The following PPIH variants were observed in gnomAD, a reference collection of about 807,000 sequenced individuals.
PPIH encodes the protein peptidyl-prolyl cis-trans isomerase H.
In PPIH, 16 loss-of-function variants were observed where a neutral mutation model predicts 27.6. The ratio of observed to expected loss-of-function variants is 0.58; its 90% CI spans 0.39 to 0.88. PPIH has a LOEUF of 0.88. Among genes scored for constraint, PPIH ranks in the 40% least tolerant of loss-of-function variants. PPIH has a pLI of 0.00. For synonymous variants in PPIH, 63 were observed against 76.1 expected (o/e 0.83, Z 0.90); for missense variants, 155 against 224.1 (o/e 0.69, Z 1.97).
chr1:42,660,892 A>T lies in PPIH; in HGVS notation c.231A>T (p.Gly77=). The change falls in exon 5 of 10, where the codon GGA becomes GGT. Residue 77 remains glycine, a synonymous_variant. Coordinates refer to ENST00000304979, the MANE Select transcript of PPIH (RefSeq NM_006347.4). ...TAAAGGATTTCATGATTCAGGGTGG[A>T]GATTTTGTTAATGTAAGTACTATTC... The part of the protein sequence containing the change: ...RVIKDFMIQG[G]DFVNGDGTGV... 6.2e-7 allele frequency: 1 copy of T among 1,610,832 alleles called. No homozygotes were observed. Among genetic ancestry groups the T allele is most frequent in the Non-Finnish European group, 8.5e-7 (1 of 1,177,640 alleles).
At chr1:42,658,682 A>C in intron 1 of PPIH, 162 bp from the exon 2 acceptor site, 1 of 1,110,270 alleles carries the variant, frequency 9.0e-7, no homozygotes, top group Non-Finnish European at 1.3e-6. Context: ...AGTCTCCCCA[A>C]TCCTAGCGCC....
intron 9 of PPIH, 62 bp downstream of exon 9, chr1:42,667,502 G>A: frequency 2.2e-6 from 3 of 1,388,608 alleles, no homozygotes; most frequent in Non-Finnish European, 3.0e-6. Context: ...GCATGGTCTA[G>A]TGGAAAGAAC....
rs139723633 is a variant in PPIH, at chr1:42,658,886, C to T, written c.109C>T (p.Pro37Ser). ...GATCGAGCTCTTTGCAGACGTTGTG[C>T]CTAAGACGGCCGAGAACTTTAGGTA... Reference protein sequence around the residue: ...MKIELFADVVPKTAENFRQFC... With the variant: ...MKIELFADVVSKTAENFRQFC... The change falls in exon 2 of 10, where the codon CCT becomes TCT. Residue 37 changes from proline (P) to serine (S), a missense_variant. Pro to Ser is a moderately conservative substitution (Grantham distance 74). Around this residue, in one of 2 missense-constraint regions of PPIH, gnomAD observed 59 missense variants for 48.8 expected, o/e 1.21. Coordinates refer to ENST00000304979, the MANE Select transcript of PPIH (RefSeq NM_006347.4). 6.2e-7 allele frequency: 1 copy of T among 1,614,200 alleles called. No homozygotes were observed. Among genetic ancestry groups the T allele is most frequent in the Non-Finnish European group, 8.5e-7 (1 of 1,180,022 alleles).
intron 9 of PPIH, among the ~76,000 whole-genome samples, chr1:42,670,787 T>A (rs905550273): frequency 1.3e-5 from 2 of 152,124 alleles, no homozygotes; most frequent in African/African-American, 4.8e-5. Flanking sequence ...GTTAACTTTT[T>A]ATTTTTTATT....
At chr1:42,667,689 A>G (rs1649417535) in intron 9 of PPIH, among the ~76,000 whole-genome samples, 1 of 152,336 alleles carries the variant, frequency 6.6e-6, no homozygotes, top group Admixed American at 6.5e-5. Context: ...TTACTTTTCT[A>G]TCACTTTGTA....
chr1:42,667,361 C>G lies in PPIH; in HGVS notation c.476C>G (p.Thr159Arg). 6.2e-7 allele frequency: 1 copy of G among 1,606,144 alleles called. No individual in the cohort carries two copies. The highest frequency in any genetic ancestry group is 1.7e-4 in the Middle Eastern group (1 of 6,044). ...LVMRKIENVP[T>R]GPNNKPKLPV... ...TGCTTTTTTTCCTAGAATGTTCCCA[C>G]AGGCCCCAACAATAAGCCCAAGCTA... The change falls in exon 9 of 10, where the codon ACA becomes AGA. Residue 159 changes from threonine to arginine, a missense_variant. By Grantham distance (71) the Thr-to-Arg change is moderately conservative. Coordinates refer to ENST00000304979, the MANE Select transcript of PPIH (RefSeq NM_006347.4).
chr1:42,672,828 T>C (rs1557520507), intron 9 of PPIH, among the ~76,000 whole-genome samples: 1 of 152,032 alleles, frequency 6.6e-6, no homozygotes. Context: ...TTTGTATTTT[T>C]AGTAGAGACA....
At chr1:42,677,509 C>T (rs1003212205), downstream of PPIH, among the ~76,000 whole-genome samples, 1 of 151,932 alleles carries the variant, frequency 6.6e-6, no homozygotes, top group African/African-American at 2.4e-5. Flanking sequence ...AACAGTTCAA[C>T]ATATAAAGAT....
downstream of PPIH, among the ~76,000 whole-genome samples, chr1:42,678,018 T>C (rs925450586): frequency 6.6e-5 from 10 of 152,298 alleles, no homozygotes; most frequent in African/African-American, 2.2e-4. Flanking sequence ...AAGTGTTGTT[T>C]CAGTGTATCA....
chr1:42,658,648 G>A, intron 1 of PPIH, 136 bp downstream of exon 1: 1 of 1,171,888 alleles, frequency 8.5e-7, no homozygotes. Context: ...CCGACCTGCC[G>A]GGCGGGGGGA....
chr1:42,667,440 G>A lies in PPIH; in HGVS notation c.*21G>A, dbSNP rs1030400591. The A allele has an allele frequency of 1.3e-6, 2 of 1,563,572 alleles. No individual in the cohort carries two copies. The highest frequency in any genetic ancestry group is 1.8e-6 in the Non-Finnish European group (2 of 1,134,284). ...TGTAGTCCAGACAAAGACTGAATCA[G>A]GTAAGTGTGTCTTTCTCCTATTAGG... is the stretch of plus-strand genomic sequence containing the variant. On this transcript the variant is annotated splice_region_variant and 3_prime_UTR_variant, in exon 9 of 10. Coordinates refer to ENST00000304979, the MANE Select transcript of PPIH (RefSeq NM_006347.4).
chr1:42,659,079 C>T, intron 2 of PPIH, 149 bp from the exon 3 acceptor site: 1 of 1,376,098 alleles, frequency 7.3e-7, no homozygotes, highest in Non-Finnish European at 1.0e-6. Context: ...TGTTAATTTA[C>T]GTTGTTAGTC....
At chr1:42,660,293 C>G (rs984110041) in intron 4 of PPIH, among the ~76,000 whole-genome samples, 6 of 152,212 alleles carry the variant, frequency 3.9e-5, no homozygotes, top group Non-Finnish European at 8.8e-5. Flanking sequence ...GCCCCTTCTT[C>G]TTATTACTGT....
chr1:42,681,634 A>G (rs1465852987), downstream of PPIH: 1 of 152,236 alleles, frequency 6.6e-6, no homozygotes, highest in Non-Finnish European at 1.5e-5. Flanking sequence ...AGCTTGTTCA[A>G]TAAATGTGAG....
At chr1:42,666,475 T>C in intron 7 of PPIH, 72 bp from the exon 8 acceptor site, 2 of 1,469,526 alleles carry the variant, frequency 1.4e-6, no homozygotes, top group Non-Finnish European at 1.9e-6. Context: ...AGAAAATAGC[T>C]AAGAATGGGC....
intron 9 of PPIH, among the ~76,000 whole-genome samples, chr1:42,672,703 G>A (rs1649702983): frequency 6.6e-6 from 1 of 151,886 alleles, no homozygotes; most frequent in African/African-American, 2.4e-5. Context: ...CTGGAGTGCA[G>A]TGGCACGATC....
At chr1:42,666,651 G>A in intron 8 of PPIH, 64 bp downstream of exon 8, 2 of 1,516,680 alleles carry the variant, frequency 1.3e-6, no homozygotes, top group Admixed American at 3.4e-5. Flanking sequence ...TGACTAGCGT[G>A]CAGGAGCTAG....
At chr1:42,665,912 T>C in intron 6 of PPIH, 68 bp from the exon 7 acceptor site, 2 of 1,295,822 alleles carry the variant, frequency 1.5e-6, no homozygotes, top group Non-Finnish European at 2.2e-6. Context: ...ACAAGCTCTT[T>C]TGGAAATCTT....
chr1:42,665,156 C>A (rs1557514205), intron 6 of PPIH, among the ~76,000 whole-genome samples: 1 of 152,220 alleles, frequency 6.6e-6, no homozygotes, highest in East Asian at 1.9e-4. Context: ...GTAATCCCAG[C>A]ACTTTGGGAG....
Sources: gnomAD v4.1 joint callset for allele counts (sites outside exome capture counted in the v4.1 genomes callset) on GRCh38, gnomAD v4.1.1 for gene constraint, gnomAD v4.1.1 regional missense constraint, MANE v1.5 for transcripts, NCBI Gene and HGNC (gene_info 2026-07-23, HGNC 2026-07-21) for gene names.